Variants in NBAS observed in about 807,000 individuals in gnomAD.
NBAS encodes the protein NBAS subunit of NRZ tethering complex.
Under a neutral mutation model 302.5 loss-of-function variants are expected in NBAS, and 219 were observed. The observed-to-expected ratio is 0.72, with a 90% CI of 0.65 to 0.81. The LOEUF is 0.81. Among genes scored for constraint, NBAS ranks in the 30% least tolerant of loss-of-function variants. The pLI is 0.00. For missense variants in NBAS, 2,932 were observed against 2,841.6 expected, an observed-to-expected ratio of 1.03 and a Z score of -0.72; for synonymous variants, 1,118 against 1,021.6, an observed-to-expected ratio of 1.09 and a Z score of -1.80.
chr2:15,382,100 G>A (rs560122682), intron 29 of NBAS, among the ~76,000 whole-genome samples: 46 of 89,870 alleles, frequency 5.1e-4, no homozygotes, highest in Middle Eastern at 6.8e-3. Flanking sequence ...CCACACAAAC[G>A]GAAATATATA....
chr2:15,145,351 C>T, the NBAS span, among the ~76,000 whole-genome samples: 5 of 151,938 alleles, frequency 3.3e-5, no homozygotes, highest in Non-Finnish European at 7.4e-5. Flanking sequence ...TTTAGGGCCA[C>T]ACATATGCCA....
intron 10 of NBAS, among the ~76,000 whole-genome samples, chr2:15,508,535 AT>A (rs1311544990): frequency 6.6e-6 from 1 of 152,146 alleles, no homozygotes; most frequent in Non-Finnish European, 1.5e-5. Context: ...ATTTTGACAA[AT>A]TTCACAGCTA....
the NBAS span, among the ~76,000 whole-genome samples, chr2:15,154,979 C>T: frequency 6.6e-6 from 1 of 152,192 alleles, no homozygotes; most frequent in Non-Finnish European, 1.5e-5. Flanking sequence ...AAATTTGTTG[C>T]TGATGAGTAA....
At chr2:14,794,483 T>A in the NBAS span, among the ~76,000 whole-genome samples, 1 of 152,216 alleles carries the variant, frequency 6.6e-6, no homozygotes, top group Non-Finnish European at 1.5e-5. Flanking sequence ...ATTCATTTAT[T>A]GTAAGCCGAG....
At chr2:15,212,567 C>T (rs1245510011) in intron 48 of NBAS, among the ~76,000 whole-genome samples, 2 of 152,156 alleles carry the variant, frequency 1.3e-5, no homozygotes, top group Non-Finnish European at 2.9e-5. Flanking sequence ...ACTTTTATCA[C>T]AGTACCTGAT....
chr2:14,813,311 AC>A, the NBAS span, among the ~76,000 whole-genome samples: 409 of 152,290 alleles, frequency 2.7e-3, no homozygotes, highest in African/African-American at 9.2e-3. Context: ...AAGGTTTGGA[AC>A]TTCTTAAAGA....
At chr2:14,848,219 G>A in the NBAS span, among the ~76,000 whole-genome samples, 11 of 151,392 alleles carry the variant, frequency 7.3e-5, no homozygotes, top group African/African-American at 9.8e-5. Flanking sequence ...CAGTGGGTGC[G>A]CGCACCATGC....
At chr2:15,026,144 G>T in the NBAS span, among the ~76,000 whole-genome samples, 1 of 150,970 alleles carries the variant, frequency 6.6e-6, no homozygotes, top group Non-Finnish European at 1.5e-5. Context: ...TTAACATGAA[G>T]GGATGTTGAA....
chr2:15,527,910 G>A (rs1045578290), intron 9 of NBAS, among the ~76,000 whole-genome samples: 2 of 151,930 alleles, frequency 1.3e-5, no homozygotes, highest in African/African-American at 4.8e-5. Flanking sequence ...ATCTCCCTAT[G>A]GAATCAACAT....
the NBAS span, among the ~76,000 whole-genome samples, chr2:15,041,165 A>T: frequency 2.8e-4 from 42 of 152,284 alleles, no homozygotes; most frequent in Admixed American, 2.5e-3. Flanking sequence ...TCCCCTGAGG[A>T]GAGAGCACAT....
At chr2:14,962,062 C>T in the NBAS span, among the ~76,000 whole-genome samples, 6 of 152,238 alleles carry the variant, frequency 3.9e-5, no homozygotes, top group Non-Finnish European at 5.9e-5. Flanking sequence ...GCGTGAGCCA[C>T]TGAGCCCAGC....
intron 1 of NBAS, among the ~76,000 whole-genome samples, chr2:15,560,662 C>A (rs1176384361): frequency 6.6e-6 from 1 of 151,978 alleles, no homozygotes; most frequent in Non-Finnish European, 1.5e-5. Context: ...GCGATCCAGC[C>A]CCCAGTATGG....
At chr2:15,164,077 G>A (rs1663958151), downstream of NBAS, among the ~76,000 whole-genome samples, 1 of 152,262 alleles carries the variant, frequency 6.6e-6, no homozygotes, top group African/African-American at 2.4e-5. Flanking sequence ...GATTACAGGT[G>A]TGAGCCTCTA....
chr2:15,173,038 T>A (rs2125105498), intron 51 of NBAS, among the ~76,000 whole-genome samples: 1 of 152,352 alleles, frequency 6.6e-6, no homozygotes, highest in East Asian at 1.9e-4. Context: ...AAATAGCTGA[T>A]GTTAATACAG....
At chr2:14,937,792 G>A in the NBAS span, among the ~76,000 whole-genome samples, 1 of 152,122 alleles carries the variant, frequency 6.6e-6, no homozygotes, top group African/African-American at 2.4e-5. Flanking sequence ...TGGGCAGTTT[G>A]CTTTATCTCT....
chr2:15,087,343 A>AACT, the NBAS span, among the ~76,000 whole-genome samples: 1 of 152,216 alleles, frequency 6.6e-6, no homozygotes, highest in African/African-American at 2.4e-5. Flanking sequence ...GTACCTGAGT[A>AACT]ACTTCTGGGC....
At chr2:15,295,499 T>C (rs114082492) in intron 40 of NBAS, among the ~76,000 whole-genome samples, 1,848 of 152,248 alleles carry the variant, frequency 0.012, 20 homozygotes, top group Middle Eastern at 0.02. Flanking sequence ...TGATAATATA[T>C]AGCGTTCATG....
At chr2:15,505,763 AC>A (rs1055655825) in intron 10 of NBAS, among the ~76,000 whole-genome samples, 1 of 152,208 alleles carries the variant, frequency 6.6e-6, no homozygotes, top group African/African-American at 2.4e-5. Flanking sequence ...TGAAAAAACA[AC>A]CACGAAGCAA....
the NBAS span, among the ~76,000 whole-genome samples, chr2:15,029,115 C>T: frequency 7.9e-5 from 12 of 152,242 alleles, no homozygotes; most frequent in African/African-American, 2.2e-4. Flanking sequence ...GGCACATTTG[C>T]TGAATGAAGA....
Sources: allele counts gnomAD v4.1 joint callset (sites outside exome capture counted in the v4.1 genomes callset), GRCh38; gene constraint gnomAD v4.1.1; transcripts MANE v1.5; gene names NCBI Gene and HGNC (gene_info 2026-07-23, HGNC 2026-07-21).